CABIN1: variants seen among roughly 807,000 people sequenced by gnomAD.
CABIN1 encodes calcineurin-binding protein cabin-1.
Under a neutral mutation model 227.7 loss-of-function variants are expected in CABIN1, and 133 were observed. The observed-to-expected ratio is 0.58, with a 90% CI of 0.51 to 0.67. The LOEUF (loss-of-function observed/expected upper bound fraction) is 0.67, where lower values mean the gene tolerates loss of function less well. Ranked by LOEUF, CABIN1 falls within the 30% of genes least tolerant of loss-of-function variation. The pLI, the probability that CABIN1 is intolerant of heterozygous loss-of-function variation, is 0.00. For synonymous variants in CABIN1, 1,086 were observed against 1,155.1 expected (o/e 0.94, Z 1.21); for missense variants, 2,408 against 2,852.5 (o/e 0.84, Z 3.55).
chr22:24,060,638 G>T (rs2039120036), intron 12 of CABIN1, among the ~76,000 whole-genome samples: 1 of 152,078 alleles, frequency 6.6e-6, no homozygotes, highest in Admixed American at 6.5e-5. Context: ...TTGAGACAGG[G>T]TCTTGCTCTG....
intron 29 of CABIN1, among the ~76,000 whole-genome samples, chr22:24,153,567 T>A (rs1377529271): frequency 6.6e-6 from 1 of 152,028 alleles, no homozygotes; most frequent in Non-Finnish European, 1.5e-5. Context: ...CACAAGCACT[T>A]CCTGGGGGGT....
At chr22:24,141,793 G>C (rs1288894088) in intron 29 of CABIN1, among the ~76,000 whole-genome samples, 1 of 152,160 alleles carries the variant, frequency 6.6e-6, no homozygotes, top group Non-Finnish European at 1.5e-5. Flanking sequence ...TGCCACAGGT[G>C]GTTCTGTTTG....
At chr22:24,151,998 G>C (rs1254714656) in intron 29 of CABIN1, among the ~76,000 whole-genome samples, 1 of 152,198 alleles carries the variant, frequency 6.6e-6, no homozygotes, top group African/African-American at 2.4e-5. Flanking sequence ...TGGTGATGGA[G>C]AACTGTGGGG....
Position 24,119,494 on chromosome 22 carries a change from C to A in CABIN1, c.4428C>A (p.Thr1476=). Residue 1476 remains threonine, a synonymous_variant, in exon 28 of 37, where the codon ACC becomes ACA. Transcript: ENST00000263119. ...GCAAGCCCTCAGCATCCACACCCACCCTGTGGGATGGGAAGAAGAGAGGGG... is the reference window on the plus strand; with the variant it reads ...GCAAGCCCTCAGCATCCACACCCACACTGTGGGATGGGAAGAAGAGAGGGG... ...IPGKPSASTP[T]LWDGKKRGDL... The A allele has an allele frequency of 1.9e-6, 3 of 1,614,082 alleles. No homozygotes were observed. Among genetic ancestry groups the A allele is most frequent in the Non-Finnish European group, 2.5e-6 (3 of 1,180,034 alleles).
At chr22:24,134,184 G>C in intron 28 of CABIN1, 118 bp from the exon 29 acceptor site, 1 of 718,196 alleles carries the variant, frequency 1.4e-6, no homozygotes, top group Non-Finnish European at 2.5e-6. Flanking sequence ...GATGTCTGCA[G>C]GAACTGCTGC....
Position 24,160,092 on chromosome 22 carries a change from C to G in CABIN1, c.4747-4308C>G, listed in dbSNP as rs1054030537. On this transcript the variant is annotated intron_variant, in intron 29 of 36. Coordinates refer to ENST00000263119, the MANE Select transcript of CABIN1 (RefSeq NM_012295.4). ...CTGGGTCCTGTCCCACTTTGCATCA[C>G]TAGGCAGCCTTGGCAGGTCACCTGA... Among the ~76,000 whole-genome samples the G allele has an allele frequency of 1.2e-4, 19 of 152,172 alleles. 1 individual carries two copies. Among genetic ancestry groups the G allele is most frequent in the Admixed American group, 6.5e-5 (1 of 15,278 alleles).
chr22:24,032,810 T>A (rs2036589079), intron 1 of CABIN1, among the ~76,000 whole-genome samples: 1 of 152,174 alleles, frequency 6.6e-6, no homozygotes, highest in Non-Finnish European at 1.5e-5. Flanking sequence ...TCACTGTAAT[T>A]CCATGCCTGT....
chr22:24,163,434 G>T (rs2046269408), intron 29 of CABIN1, among the ~76,000 whole-genome samples: 1 of 152,156 alleles, frequency 6.6e-6, no homozygotes, highest in Non-Finnish European at 1.5e-5. Flanking sequence ...GGTCCCTGTA[G>T]CTGGGGGCCC....
At chr22:24,138,356 C>T (rs1252835416) in intron 29 of CABIN1, among the ~76,000 whole-genome samples, 2 of 152,180 alleles carry the variant, frequency 1.3e-5, no homozygotes, top group Non-Finnish European at 2.9e-5. Context: ...AGACATGCAC[C>T]ACCATGCCCA....
intron 4 of CABIN1, 31 bp downstream of exon 4, chr22:24,038,492 G>T: frequency 6.8e-7 from 1 of 1,473,642 alleles, no homozygotes; most frequent in African/African-American, 1.4e-5. Flanking sequence ...GCAGTGTGCC[G>T]TGGTGGTTAG....
intron 29 of CABIN1, among the ~76,000 whole-genome samples, chr22:24,161,724 C>T (rs1313120973): frequency 6.6e-6 from 1 of 152,224 alleles, no homozygotes; most frequent in Non-Finnish European, 1.5e-5. Flanking sequence ...GCACATTCTC[C>T]ACACCCTCCC....
chr22:24,126,891 C>T (rs1027777158), intron 28 of CABIN1, among the ~76,000 whole-genome samples: 2 of 151,262 alleles, frequency 1.3e-5, no homozygotes, highest in African/African-American at 2.4e-5. Flanking sequence ...CCCAGCTACT[C>T]AGTAGGCTAA....
chr22:24,147,949 C>T (rs1481126879), intron 29 of CABIN1, among the ~76,000 whole-genome samples: 2 of 152,094 alleles, frequency 1.3e-5, no homozygotes, highest in Non-Finnish European at 2.9e-5. Context: ...TTCAGGAAAG[C>T]CTGGGCAAAG....
At chr22:24,157,785 C>G (rs2045924236) in intron 29 of CABIN1, among the ~76,000 whole-genome samples, 1 of 152,344 alleles carries the variant, frequency 6.6e-6, no homozygotes, top group Middle Eastern at 3.4e-3. Context: ...GATTCCATCC[C>G]CTTCCTGGCT....
intron 28 of CABIN1, among the ~76,000 whole-genome samples, chr22:24,120,791 C>A (rs1194707051): frequency 6.6e-6 from 1 of 152,100 alleles, no homozygotes; most frequent in East Asian, 1.9e-4. Flanking sequence ...TCAGCCTGGG[C>A]AACAGAGCGA....
At chr22:24,136,765 A>C (rs889549225) in intron 29 of CABIN1, among the ~76,000 whole-genome samples, 3 of 151,554 alleles carry the variant, frequency 2.0e-5, no homozygotes, top group Admixed American at 6.6e-5. Context: ...ACACACACAC[A>C]CAGAAAGGCT....
chr22:24,139,655 G>A (rs1389000347), intron 29 of CABIN1, among the ~76,000 whole-genome samples: 1 of 152,176 alleles, frequency 6.6e-6, no homozygotes, highest in Non-Finnish European at 1.5e-5. Context: ...ATGTGAGAAG[G>A]TCAGGTCATT....
intron 16 of CABIN1, among the ~76,000 whole-genome samples, chr22:24,070,017 G>A (rs781151333): frequency 7.3e-5 from 11 of 150,800 alleles, no homozygotes; most frequent in African/African-American, 1.2e-4. Context: ...CCATGCACCA[G>A]CACAGTGATG....
intron 8 of CABIN1, among the ~76,000 whole-genome samples, chr22:24,053,699 C>T (rs2147375998): frequency 6.6e-6 from 1 of 152,238 alleles, no homozygotes; most frequent in African/African-American, 2.4e-5. Context: ...TTCTTTTATT[C>T]CTTTCTCAAC....
Sources: allele counts gnomAD v4.1 joint callset (sites outside exome capture counted in the v4.1 genomes callset), GRCh38; gene constraint gnomAD v4.1.1; transcripts MANE v1.5; gene names NCBI Gene and HGNC (gene_info 2026-07-23, HGNC 2026-07-21).